Variants in UNC13C observed in about 807,000 individuals in gnomAD.
UNC13C encodes unc-13 homolog C.
A neutral mutation model predicts 245.4 loss-of-function variants in UNC13C; 174 were observed. The observed-to-expected ratio is 0.71, with a 90% CI of 0.63 to 0.80. The LOEUF (loss-of-function observed/expected upper bound fraction) is 0.80. UNC13C is among the 30% of genes least tolerant of loss of function. The pLI is 0.00. For missense variants in UNC13C, 2,829 were observed against 2,602.9 expected (o/e 1.09, Z -1.89); for synonymous variants, 992 against 895.1 (o/e 1.11, Z -1.93).
chr15:54,310,255 A>G (rs1211085098), intron 13 of UNC13C, among the ~76,000 whole-genome samples: 3 of 151,978 alleles, frequency 2.0e-5, no homozygotes, highest in Admixed American at 6.6e-5. Context: ...ATGATTTTCA[A>G]TGAATATGGT....
the UNC13C span, among the ~76,000 whole-genome samples, chr15:53,882,646 G>C: frequency 6.6e-6 from 1 of 152,092 alleles, no homozygotes; most frequent in African/African-American, 2.4e-5. Context: ...ATTTGGTGAT[G>C]GTGGCCCACT....
intron 30 of UNC13C, among the ~76,000 whole-genome samples, chr15:54,581,154 G>T (rs2141239186): frequency 6.6e-6 from 1 of 152,284 alleles, no homozygotes; most frequent in Middle Eastern, 3.4e-3. Flanking sequence ...GACTGTGATG[G>T]GAGAGTTGGG....
At chr15:53,996,603 GC>G (rs1179858915) in intron 1 of UNC13C, among the ~76,000 whole-genome samples, 1 of 152,078 alleles carries the variant, frequency 6.6e-6, no homozygotes, top group African/African-American at 2.4e-5. Flanking sequence ...ACCCTAGAAA[GC>G]TTTCTCATAT....
chr15:54,239,966 G>T (rs1328588229), intron 7 of UNC13C, among the ~76,000 whole-genome samples: 2 of 152,160 alleles, frequency 1.3e-5, no homozygotes, highest in African/African-American at 2.4e-5. Context: ...TTAAAACATG[G>T]TATTTGATTT....
intron 26 of UNC13C, among the ~76,000 whole-genome samples, chr15:54,533,500 G>T (rs983842948): frequency 1.1e-4 from 17 of 152,208 alleles, no homozygotes; most frequent in African/African-American, 3.6e-4. Context: ...TAGCTCAGAG[G>T]CAAGCAGATA....
intron 13 of UNC13C, among the ~76,000 whole-genome samples, chr15:54,300,834 A>G (rs1430856527): frequency 6.6e-6 from 1 of 152,196 alleles, no homozygotes; most frequent in Non-Finnish European, 1.5e-5. Flanking sequence ...TGAGAGAGAC[A>G]GGTCCAGAGC....
At chr15:54,071,774 C>T (rs1206007996) in intron 2 of UNC13C, among the ~76,000 whole-genome samples, 1 of 152,154 alleles carries the variant, frequency 6.6e-6, no homozygotes, top group East Asian at 1.9e-4. Flanking sequence ...CACGTTGTCT[C>T]TGGTTGCTGT....
rs1455134624 is a variant in UNC13C at position 54,628,571 on chromosome 15, T to C, written c.*1458T>C. On this transcript the variant is annotated 3_prime_UTR_variant, in exon 33 of 33. Coordinates refer to ENST00000260323, the MANE Select transcript of UNC13C (RefSeq NM_001080534.3). The stretch of plus-strand genomic sequence containing the variant: ...TAGTGTGATGCGATCCTCTGGCATA[T>C]GCTTTAATAAATGGATGTATATTGA... 6.6e-6 allele frequency: 1 copy of C among 152,628 alleles called. No homozygotes were observed. Among genetic ancestry groups the C allele is most frequent in the Non-Finnish European group, 1.5e-5 (1 of 68,038 alleles). The allele number at this position is 152,628 out of a possible 1,614,324, so 9.5% of individuals were successfully genotyped here.
intron 25 of UNC13C, among the ~76,000 whole-genome samples, chr15:54,528,422 G>A (rs1430630084): frequency 6.6e-6 from 1 of 151,738 alleles, no homozygotes; most frequent in African/African-American, 2.4e-5. Flanking sequence ...TATTTTGTGA[G>A]TGTGTGGCTC....
intron 19 of UNC13C, among the ~76,000 whole-genome samples, chr15:54,451,716 C>A (rs1459717491): frequency 6.6e-6 from 1 of 151,946 alleles, no homozygotes; most frequent in Non-Finnish European, 1.5e-5. Flanking sequence ...TCCTTACTGA[C>A]CTTATTTAAT....
At chr15:53,872,863 A>G in the UNC13C span, among the ~76,000 whole-genome samples, 1 of 152,236 alleles carries the variant, frequency 6.6e-6, no homozygotes, top group African/African-American at 2.4e-5. Context: ...CACACATTAA[A>G]CCATATTATT....
chr15:54,048,564 T>A, intron 2 of UNC13C: 1 of 471,238 alleles, frequency 2.1e-6, no homozygotes. Flanking sequence ...TTTTATAGAA[T>A]TGATGTACTG....
At chr15:53,930,103 C>G in the UNC13C span, among the ~76,000 whole-genome samples, 1 of 152,096 alleles carries the variant, frequency 6.6e-6, no homozygotes, top group Non-Finnish European at 1.5e-5. Flanking sequence ...GCAAGGTGGC[C>G]TTTCTCACAT....
chr15:54,155,588 C>CTTAG (rs3082189), intron 4 of UNC13C, among the ~76,000 whole-genome samples: 1 of 152,126 alleles, frequency 6.6e-6, no homozygotes, highest in African/African-American at 2.4e-5. Context: ...TTTACTTCCA[C>CTTAG]TTATTTGTAT....
intron 30 of UNC13C, among the ~76,000 whole-genome samples, chr15:54,592,863 G>GTTTTTTTTTT (rs56152927): frequency 1.5e-5 from 2 of 134,146 alleles, no homozygotes; most frequent in Admixed American, 7.3e-5. Flanking sequence ...TTTGTTTTTT[G>GTTTTTTTTTT]TTTTTTTTTT....
chr15:54,340,943 C>T (rs1180928739), intron 17 of UNC13C, among the ~76,000 whole-genome samples: 2 of 151,912 alleles, frequency 1.3e-5, no homozygotes, highest in East Asian at 3.9e-4. Flanking sequence ...ATTATTAAAA[C>T]ATCAAAAAAC....
intron 19 of UNC13C, among the ~76,000 whole-genome samples, chr15:54,485,718 C>G (rs1228544011): frequency 3.9e-5 from 6 of 152,182 alleles, no homozygotes; most frequent in Non-Finnish European, 8.8e-5. Flanking sequence ...CTCAACACTC[C>G]CCTGAACTCA....
intron 4 of UNC13C, among the ~76,000 whole-genome samples, chr15:54,195,225 G>A (rs1480581682): frequency 6.6e-6 from 1 of 152,036 alleles, no homozygotes; most frequent in African/African-American, 2.4e-5. Context: ...GGTAGCAGAG[G>A]AAAAAAGCCT....
chr15:54,552,611 TA>T (rs1896838663), intron 28 of UNC13C, among the ~76,000 whole-genome samples: 1 of 81,030 alleles, frequency 1.2e-5, no homozygotes, highest in African/African-American at 6.0e-5. Context: ...TATATAATTA[TA>T]TAATTATATT....
Sources: gnomAD v4.1 joint callset for allele counts (sites outside exome capture counted in the v4.1 genomes callset) on GRCh38, gnomAD v4.1.1 for gene constraint, MANE v1.5 for transcripts, NCBI Gene and HGNC (gene_info 2026-07-23, HGNC 2026-07-21) for gene names.